PTPN3: variants seen among roughly 807,000 people sequenced by gnomAD.
PTPN3 encodes protein tyrosine phosphatase non-receptor type 3.
Under a neutral mutation model 132.7 loss-of-function variants are expected in PTPN3, and 96 were observed. The ratio of observed to expected loss-of-function variants is 0.72; its 90% confidence interval spans 0.61 to 0.86. PTPN3 has a LOEUF of 0.86. Among genes scored for constraint, PTPN3 ranks in the 40% least tolerant of loss-of-function variants. PTPN3 has a pLI of 0.00. For missense variants in PTPN3, 1,125 were observed against 1,159.6 expected (o/e 0.97, Z 0.43); for synonymous variants, 398 against 429.0 (o/e 0.93, Z 0.89).
At chr9:109,403,823 A>G (rs1841339000) in intron 19 of PTPN3, among the ~76,000 whole-genome samples, 1 of 152,240 alleles carries the variant, frequency 6.6e-6, no homozygotes, top group Non-Finnish European at 1.5e-5. Context: ...TTTATAAAAA[A>G]TGTCTGTGTG....
chr9:109,494,430 T>C (rs1038830686), intron 1 of PTPN3, among the ~76,000 whole-genome samples: 1 of 152,178 alleles, frequency 6.6e-6, no homozygotes, highest in Admixed American at 6.5e-5. Flanking sequence ...GAGTGAGACC[T>C]TGTCTCAAAA....
In PTPN3 at chr9:109,408,646, C is replaced by T. The variant is rs187203616; in HGVS notation, c.1579-269G>A. 2.9e-3 allele frequency among the ~76,000 whole-genome samples: 439 copies of T among 152,028 alleles called. 3 individuals are homozygous for T. Among genetic ancestry groups the T allele is most frequent in the African/African-American group, 0.01 (426 of 41,488 alleles). On this transcript the variant is annotated intron_variant, in intron 16 of 25. Transcript: ENST00000374541. ...CTCTGCCATCCCCACAGTCCATGAA[C>T]TAACAGATACACTCAGAGAGAAGCT...
rs570578239 is a variant in PTPN3, at chr9:109,449,427, G to C, written c.369-572C>G. On this transcript the variant is annotated intron_variant, in intron 5 of 25. Coordinates refer to ENST00000374541, the MANE Select transcript of PTPN3 (RefSeq NM_002829.4). ...CAAAAGCATAAACATCAGTAAACTA[G>C]AAGTTTCCAGGACCTCCAAGCTGAA... is the stretch of plus-strand genomic sequence containing the variant. 94 of 985,530 alleles carry C rather than the reference G, an allele frequency of 9.5e-5. No individual in the cohort carries two copies. In the Middle Eastern group the frequency reaches 1.6e-3, roughly 16 times the overall value. The allele number at this position is 985,530 out of a possible 1,614,324, so 61.0% of individuals were successfully genotyped here. A position where few individuals can be genotyped will look rare whatever the true frequency, so the allele number is the denominator to read the frequency against.
At chr9:109,415,127 C>G (rs936536172) in intron 14 of PTPN3, among the ~76,000 whole-genome samples, 11 of 145,822 alleles carry the variant, frequency 7.5e-5, no homozygotes, top group African/African-American at 2.5e-4. Flanking sequence ...TCCATCCATC[C>G]AAATAGTCAC....
At chr9:109,511,357 A>G in the PTPN3 span, 1 of 152,738 alleles carries the variant, frequency 6.5e-6, no homozygotes, top group African/African-American at 2.4e-5. Context: ...GGGCAGCCAC[A>G]GTAACTTTGA....
At chr9:109,379,732 C>A in intron 25 of PTPN3, 99 bp from the exon 26 acceptor site, 1 of 1,025,484 alleles carries the variant, frequency 9.8e-7, no homozygotes. Flanking sequence ...GTAAATATTC[C>A]CTGAGCGCCA....
At chr9:109,467,785 T>G (rs1459342983) in intron 1 of PTPN3, among the ~76,000 whole-genome samples, 1 of 152,222 alleles carries the variant, frequency 6.6e-6, no homozygotes, top group Non-Finnish European at 1.5e-5. Flanking sequence ...CATTTCACCG[T>G]GGTTAGCAAT....
At chr9:109,519,877 C>T in the PTPN3 span, among the ~76,000 whole-genome samples, 11 of 152,100 alleles carry the variant, frequency 7.2e-5, no homozygotes, top group Non-Finnish European at 1.2e-4. Context: ...AGAAATGCAT[C>T]CAAGGGCACG....
At chr9:109,531,196 G>A in the PTPN3 span, among the ~76,000 whole-genome samples, 5 of 152,192 alleles carry the variant, frequency 3.3e-5, no homozygotes, top group East Asian at 5.8e-4. Flanking sequence ...ATGTCATCTC[G>A]ATCTAACCCC....
intron 1 of PTPN3, among the ~76,000 whole-genome samples, chr9:109,497,563 C>T (rs1436686588): frequency 1.3e-5 from 2 of 152,144 alleles, no homozygotes; most frequent in African/African-American, 4.8e-5. Flanking sequence ...AAGGCAACCG[C>T]AACTTCTCAG....
At chr9:109,517,871 A>G in the PTPN3 span, among the ~76,000 whole-genome samples, 1 of 152,066 alleles carries the variant, frequency 6.6e-6, no homozygotes, top group Non-Finnish European at 1.5e-5. Context: ...ACCCTAGCAG[A>G]AGCTGGGTAG....
chr9:109,494,509 C>CT (rs1238331145), intron 1 of PTPN3, among the ~76,000 whole-genome samples: 1 of 152,144 alleles, frequency 6.6e-6, no homozygotes, highest in African/African-American at 2.4e-5. Context: ...CTCTTCATGC[C>CT]TTTGCCCCTG....
chr9:109,383,233 C>T, intron 23 of PTPN3, 190 bp downstream of exon 23: 1 of 919,588 alleles, frequency 1.1e-6, no homozygotes, highest in Non-Finnish European at 1.7e-6. Flanking sequence ...CTGTTTGCAC[C>T]TCGTGCCTGT....
chr9:109,483,662 C>CT (rs1007532479), intron 1 of PTPN3, among the ~76,000 whole-genome samples: 4 of 152,130 alleles, frequency 2.6e-5, no homozygotes, highest in Admixed American at 6.5e-5. Context: ...TCACTCCATA[C>CT]GTCTCCCAAA....
intron 1 of PTPN3, among the ~76,000 whole-genome samples, chr9:109,480,069 A>T (rs1409991526): frequency 6.6e-6 from 1 of 152,208 alleles, no homozygotes; most frequent in African/African-American, 2.4e-5. Context: ...ATTTTCCGTA[A>T]TGACTAATGA....
At chr9:109,464,681 C>T (rs1846010467) in intron 1 of PTPN3, among the ~76,000 whole-genome samples, 2 of 151,996 alleles carry the variant, frequency 1.3e-5, no homozygotes, top group Admixed American at 6.6e-5. Context: ...TGGAAAAGAC[C>T]CCATTTATCA....
chr9:109,396,585 T>C (rs559058081), intron 19 of PTPN3, among the ~76,000 whole-genome samples: 81 of 152,316 alleles, frequency 5.3e-4, no homozygotes, highest in African/African-American at 1.9e-3. Flanking sequence ...TATTAATTTT[T>C]ATGTCCTAAA....
intron 2 of PTPN3, among the ~76,000 whole-genome samples, chr9:109,461,706 G>A (rs1223545841): frequency 6.6e-6 from 1 of 151,874 alleles, no homozygotes; most frequent in Non-Finnish European, 1.5e-5. Flanking sequence ...GCAGTGAGCT[G>A]GGATTACACC....
Position 109,382,230 on chromosome 9 carries a change from C to T in PTPN3, c.2528+72G>A, listed in dbSNP as rs1839164087. The T allele has an allele frequency of 2.6e-6, 4 of 1,530,584 alleles. No homozygotes were observed. The Admixed American group carries it at 5.3e-5, about 20-fold the overall frequency. 94.8% of individuals were successfully genotyped at this position (1,530,584 alleles called of 1,614,324 possible). A position where few individuals can be genotyped will look rare whatever the true frequency, so the allele number is the denominator to read the frequency against. On this transcript the variant is annotated intron_variant, in intron 24 of 25. Transcript: ENST00000374541. The stretch of plus-strand genomic sequence containing the variant: ...TGTGGGATGTAGGGTGGGTCTGGCG[C>T]CTGCCAATTGTCTCCAGGCCTTTTC...
Sources: allele counts gnomAD v4.1 joint callset (sites outside exome capture counted in the v4.1 genomes callset), GRCh38; gene constraint gnomAD v4.1.1; transcripts MANE v1.5; gene names NCBI Gene and HGNC (gene_info 2026-07-23, HGNC 2026-07-21).